The following LNPEP variants were observed in gnomAD, a reference collection of about 807,000 sequenced individuals.
LNPEP encodes leucyl-cystinyl aminopeptidase.
LNPEP carries 64 observed loss-of-function variants against 120.6 expected under a neutral mutation model. The ratio of observed to expected loss-of-function variants is 0.53; its 90% CI spans 0.43 to 0.65. The LOEUF is 0.65. Among genes scored for constraint, LNPEP ranks in the 30% least tolerant of loss-of-function variants. The pLI, the probability that LNPEP is intolerant of heterozygous loss-of-function variation, is 0.00. For missense variants in LNPEP, 1,057 were observed against 1,200.0 expected (o/e 0.88, Z 1.76); for synonymous variants, 435 against 425.4 (o/e 1.02, Z -0.28).
In LNPEP at chr5:97,030,852, C is replaced by G. The variant is rs928270407; in HGVS notation, c.*2319C>G. ...CTTAATTATTTGTAGTTTTAGTAGG[C>G]CTTGCCTCAGTTTTTCCCACAGAAT... On this transcript the variant is annotated 3_prime_UTR_variant, in exon 18 of 18. Coordinates refer to ENST00000231368, the MANE Select transcript of LNPEP (RefSeq NM_005575.3). The G allele has an allele frequency of 6.6e-6, 1 of 151,844 alleles. No individual in the cohort carries two copies. The highest frequency in any genetic ancestry group is 1.5e-5 in the Non-Finnish European group (1 of 67,982). 9.4% of individuals were successfully genotyped at this position (151,844 alleles called of 1,614,324 possible).
intron 11 of LNPEP, among the ~76,000 whole-genome samples, chr5:97,009,390 G>C (rs1790871391): frequency 6.6e-6 from 1 of 152,090 alleles, no homozygotes; most frequent in South Asian, 2.1e-4. Flanking sequence ...AGTGATCATG[G>C]CTATATGAAT....
At position 96,980,112 on chromosome 5, in the gene LNPEP, T is replaced by A. The variant is rs560760336; in HGVS notation, c.860+134T>A. ...GGAAGTTATATACAAAATAGTAGAA[T>A]GGTGATTTAGAACAATATATTATCT... is the stretch of plus-strand genomic sequence containing the variant. On this transcript the variant is annotated intron_variant, in intron 2 of 17. Transcript: ENST00000231368. 5.0e-6 allele frequency: 4 copies of A among 803,652 alleles called. No individual in the cohort carries two copies. The East Asian group carries it at 1.1e-4, about 22-fold the overall frequency. 49.8% of individuals were successfully genotyped at this position (803,652 alleles called of 1,614,324 possible).
chr5:96,944,560 C>CTTTTTTTTTTTTTTT lies in LNPEP; in HGVS notation c.19+8398_19+8412dup, dbSNP rs60017687. The stretch of plus-strand genomic sequence containing the variant: ...TTCTTTTTTGTTTTTCTTATTTTTG[C>CTTTTTTTTTTTTTTT]TTTTTTTTTTTTTTTTTTTTTTTTT... On this transcript the variant is annotated intron_variant, in intron 1 of 17. Transcript: ENST00000231368. Among the ~76,000 whole-genome samples, 3 of 56,374 alleles carry CTTTTTTTTTTTTTTT rather than the reference C, an allele frequency of 5.3e-5. 1 individual carries two copies. The highest frequency in any genetic ancestry group is 1.0e-4 in the Non-Finnish European group (3 of 30,080). 37.0% of individuals were successfully genotyped at this position (56,374 alleles called of 152,430 possible).
At chr5:96,948,494 C>T (rs781200395) in intron 1 of LNPEP, among the ~76,000 whole-genome samples, 12 of 152,140 alleles carry the variant, frequency 7.9e-5, no homozygotes, top group Non-Finnish European at 1.5e-4. Flanking sequence ...GACTTGTGCC[C>T]GTGTATCTTT....
chr5:96,948,939 C>T (rs1378373552), intron 1 of LNPEP, among the ~76,000 whole-genome samples: 1 of 152,158 alleles, frequency 6.6e-6, no homozygotes, highest in East Asian at 1.9e-4. Context: ...CTCTCTGATT[C>T]TTAAGGATAT....
chr5:96,949,336 A>T (rs1789268456), intron 1 of LNPEP, among the ~76,000 whole-genome samples: 1 of 152,230 alleles, frequency 6.6e-6, no homozygotes. Flanking sequence ...TCAGGGTGGT[A>T]TTAGAGTCCC....
At chr5:96,952,335 G>A (rs541561189) in intron 1 of LNPEP, among the ~76,000 whole-genome samples, 8 of 152,334 alleles carry the variant, frequency 5.3e-5, no homozygotes, top group African/African-American at 1.7e-4. Context: ...CATGAGAGAA[G>A]TGGAGTGAAA....
chr5:96,970,322 GA>G (rs1485980037), intron 1 of LNPEP, among the ~76,000 whole-genome samples: 2 of 151,928 alleles, frequency 1.3e-5, no homozygotes, highest in Non-Finnish European at 2.9e-5. Flanking sequence ...ACTTCTTTTT[GA>G]AACACTGTTA....
intron 1 of LNPEP, 86 bp from the exon 2 acceptor site, chr5:96,979,052 G>A (rs1279604283): frequency 6.9e-7 from 1 of 1,441,570 alleles, no homozygotes; most frequent in African/African-American, 1.4e-5. Context: ...TAGTTTAAAT[G>A]TGGTCTAGGT....
At chr5:97,006,260 A>G (rs1333764965) in intron 10 of LNPEP, 27 bp downstream of exon 10, 1 of 1,570,362 alleles carries the variant, frequency 6.4e-7, no homozygotes, top group Admixed American at 1.9e-5. Flanking sequence ...TTTTCATGCC[A>G]TCTCTTTTGC....
intron 1 of LNPEP, among the ~76,000 whole-genome samples, chr5:96,966,540 G>A (rs1276475509): frequency 6.6e-6 from 1 of 150,628 alleles, no homozygotes; most frequent in Non-Finnish European, 1.5e-5. Flanking sequence ...GTGTGTGTGT[G>A]TGTGTGTGTG....
intron 8 of LNPEP, among the ~76,000 whole-genome samples, chr5:96,998,417 TCCAGATCTACAGGTAGAA>T (rs1790569997): frequency 6.6e-6 from 1 of 152,146 alleles, no homozygotes; most frequent in Non-Finnish European, 1.5e-5. Context: ...CAGTTTACTC[TCCAGATCTACAGGTAGAA>T]TATGTTCAGA....
intron 6 of LNPEP, among the ~76,000 whole-genome samples, chr5:96,995,675 T>C (rs1479638089): frequency 6.6e-6 from 1 of 152,072 alleles, no homozygotes; most frequent in Non-Finnish European, 1.5e-5. Context: ...CCAACAGGCA[T>C]ACATCACCAT....
chr5:96,968,793 A>G (rs940058563), intron 1 of LNPEP, among the ~76,000 whole-genome samples: 48 of 152,252 alleles, frequency 3.2e-4, no homozygotes, highest in African/African-American at 1.2e-3. Flanking sequence ...TATAGCTGCC[A>G]TGCATGCTTG....
chr5:97,008,723 G>T (rs1790852803), intron 11 of LNPEP, among the ~76,000 whole-genome samples: 1 of 138,734 alleles, frequency 7.2e-6, no homozygotes, highest in South Asian at 2.3e-4. Context: ...AGAGTGCAGT[G>T]GCGCGATCTC....
intron 1 of LNPEP, among the ~76,000 whole-genome samples, chr5:96,957,620 TGATGG>T (rs2112575896): frequency 6.6e-6 from 1 of 152,252 alleles, no homozygotes; most frequent in South Asian, 2.1e-4. Flanking sequence ...GTGGCTTTGA[TGATGG>T]GAGGGGGGCC....
intron 2 of LNPEP, among the ~76,000 whole-genome samples, chr5:96,984,669 A>G (rs955005188): frequency 9.2e-5 from 14 of 152,158 alleles, no homozygotes; most frequent in African/African-American, 3.4e-4. Context: ...TAACTTAACC[A>G]CTCAGCCAGT....
At position 96,993,145 on chromosome 5, in the gene LNPEP, A is replaced by T. The variant is rs771080166; in HGVS notation, c.1252+10A>T. ...CCACTTAAGAAATTGGGTAAGAATC[A>T]AATAGTGTGTCTGATTTTTGTTATA... On this transcript the variant is annotated intron_variant, in intron 5 of 17. Coordinates refer to ENST00000231368, the MANE Select transcript of LNPEP (RefSeq NM_005575.3). 1 of 1,549,612 alleles carries T rather than the reference A, an allele frequency of 6.5e-7. No individual in the cohort carries two copies. Among genetic ancestry groups the T allele is most frequent in the South Asian group, 1.2e-5 (1 of 82,956 alleles).
chr5:97,026,215 A>G (rs1443360382), intron 15 of LNPEP, among the ~76,000 whole-genome samples: 1 of 152,214 alleles, frequency 6.6e-6, no homozygotes, highest in Non-Finnish European at 1.5e-5. Flanking sequence ...TCTGAAATGT[A>G]TCCTAATTTT....
Sources: allele counts gnomAD v4.1 joint callset (sites outside exome capture counted in the v4.1 genomes callset), GRCh38; gene constraint gnomAD v4.1.1; transcripts MANE v1.5; gene names NCBI Gene and HGNC (gene_info 2026-07-23, HGNC 2026-07-21).